ZDHHC23: variants seen among roughly 807,000 people sequenced by gnomAD.
The protein encoded by ZDHHC23 is zDHHC palmitoyltransferase 23, also known as palmitoyltransferase ZDHHC23.
Under a neutral mutation model 40.2 loss-of-function variants are expected in ZDHHC23, and 41 were observed. That is an observed-to-expected ratio of 1.02 (90% CI 0.79 to 1.32). The LOEUF (loss-of-function observed/expected upper bound fraction) is 1.32. Among genes scored for constraint, ZDHHC23 ranks in the 40% most tolerant of loss-of-function variants. The pLI is 0.00. For synonymous variants in ZDHHC23, 204 were observed against 210.2 expected (o/e 0.97, Z 0.26); for missense variants, 471 against 541.5 (o/e 0.87, Z 1.29).
chr3:113,962,304 G>C lies in ZDHHC23; in HGVS notation c.*3674G>C, dbSNP rs1402048035. 1 of 152,208 alleles carries C rather than the reference G, an allele frequency of 6.6e-6. No homozygotes were observed. Among genetic ancestry groups the C allele is most frequent in the Non-Finnish European group, 1.5e-5 (1 of 68,048 alleles). The allele number at this position is 152,208 out of a possible 1,614,324, so 9.4% of individuals were successfully genotyped here. On this transcript the variant is annotated 3_prime_UTR_variant, in exon 5 of 5. Transcript: ENST00000638807. Reference sequence around the variant, plus strand: ...GCTACACTTAATTATGTTGCTGATAGACAAGCATCCACGCTTCAGCTGGCA... The same window carrying C: ...GCTACACTTAATTATGTTGCTGATACACAAGCATCCACGCTTCAGCTGGCA...
In ZDHHC23 at chr3:113,958,920, C is replaced by T; in HGVS notation, c.*290C>T. ...TTGCTAATGCACAAATTGATAGAAG[C>T]AATTCCCATCCATTAGTATGGAGGA... is the stretch of plus-strand genomic sequence containing the variant. On this transcript the variant is annotated 3_prime_UTR_variant, in exon 5 of 5. Transcript: ENST00000638807. The T allele has an allele frequency of 3.2e-6, 4 of 1,238,516 alleles. No homozygotes were observed. Among genetic ancestry groups the T allele is most frequent in the Non-Finnish European group, 4.1e-6 (4 of 969,414 alleles). The allele number at this position is 1,238,516 out of a possible 1,614,324, so 76.7% of individuals were successfully genotyped here.
At chr3:113,973,076 C>CT in the ZDHHC23 span, among the ~76,000 whole-genome samples, 4 of 152,128 alleles carry the variant, frequency 2.6e-5, no homozygotes, top group African/African-American at 9.7e-5. Context: ...TAAGGACTTA[C>CT]TATGGCAATT....
rs537601367 is a variant in ZDHHC23, at chr3:113,959,140, CAA to C, written c.*511_*512del. The C allele has an allele frequency of 0.013, 13,894 of 1,044,782 alleles. 104 individuals are homozygous for C. Among genetic ancestry groups the C allele is most frequent in the Non-Finnish European group, 0.015 (13,022 of 852,166 alleles). The allele number at this position is 1,044,782 out of a possible 1,614,324, so 64.7% of individuals were successfully genotyped here. On this transcript the variant is annotated 3_prime_UTR_variant, in exon 5 of 5. Coordinates refer to ENST00000638807, the MANE Select transcript of ZDHHC23 (RefSeq NM_001320466.2). The stretch of plus-strand genomic sequence containing the variant: ...ATGTGGAAAGCACTAAAAAACAACT[CAA>C]GAGCCATGGAAATACAAAGTATTAG...
chr3:113,974,870 C>CTCTCTT, the ZDHHC23 span, among the ~76,000 whole-genome samples: 1 of 152,166 alleles, frequency 6.6e-6, no homozygotes, highest in African/African-American at 2.4e-5. Context: ...CTCTCAATCT[C>CTCTCTT]TCTCTTTCTC....
chr3:113,975,656 TGGATAGAC>T, the ZDHHC23 span, among the ~76,000 whole-genome samples: 2 of 152,210 alleles, frequency 1.3e-5, no homozygotes, highest in African/African-American at 4.8e-5. Flanking sequence ...GGCAGTTTAA[TGGATAGAC>T]AGTGATGCAA....
At chr3:113,955,129 C>T (rs1310121159) in intron 3 of ZDHHC23, among the ~76,000 whole-genome samples, 2 of 152,176 alleles carry the variant, frequency 1.3e-5, no homozygotes, top group Admixed American at 6.5e-5. Flanking sequence ...TTCAGGCAGT[C>T]GTGATCAATG....
chr3:113,956,868 A>G (rs1464230976), intron 4 of ZDHHC23, among the ~76,000 whole-genome samples: 3 of 152,270 alleles, frequency 2.0e-5, no homozygotes, highest in Non-Finnish European at 2.9e-5. Context: ...CTATTTTGTC[A>G]TAACGATCAG....
At chr3:113,956,597 C>G in intron 4 of ZDHHC23, 91 bp downstream of exon 4, 1 of 1,322,432 alleles carries the variant, frequency 7.6e-7, no homozygotes. Flanking sequence ...TAGGAGTTCT[C>G]AATCAAAACA....
At chr3:113,978,851 T>C in the ZDHHC23 span, 1 of 1,613,584 alleles carries the variant, frequency 6.2e-7, no homozygotes, top group Non-Finnish European at 8.5e-7. Flanking sequence ...CTTCCCTATG[T>C]CCTTACCTGT....
chr3:113,976,714 A>G, the ZDHHC23 span, among the ~76,000 whole-genome samples: 12 of 151,978 alleles, frequency 7.9e-5, 1 homozygote, highest in South Asian at 2.1e-3. Flanking sequence ...TACCCTGTTT[A>G]GTCTTCACAG....
At chr3:113,965,745 A>G (rs549648154), downstream of ZDHHC23, among the ~76,000 whole-genome samples, 2 of 151,628 alleles carry the variant, frequency 1.3e-5, no homozygotes, top group Non-Finnish European at 2.9e-5. Context: ...GCCTGCCACC[A>G]TGCCTGGCTA....
intron 4 of ZDHHC23, chr3:113,957,478 CG>C (rs1164737223): frequency 8.4e-6 from 3 of 356,362 alleles, no homozygotes; most frequent in African/African-American, 6.4e-5. Flanking sequence ...TCTCTGCTAA[CG>C]CTGCAGGTGA....
chr3:113,955,775 G>T (rs1038738518), intron 3 of ZDHHC23, among the ~76,000 whole-genome samples: 2 of 152,174 alleles, frequency 1.3e-5, no homozygotes, highest in African/African-American at 4.8e-5. Context: ...AGGAAGATTT[G>T]TTAGCCAGGT....
chr3:113,973,710 T>C, the ZDHHC23 span, among the ~76,000 whole-genome samples: 20 of 152,100 alleles, frequency 1.3e-4, no homozygotes, highest in African/African-American at 4.8e-4. Flanking sequence ...CTTCATTATA[T>C]GTTATTTGCC....
intron 4 of ZDHHC23, chr3:113,957,531 G>A (rs541911306): frequency 1.4e-4 from 54 of 376,622 alleles, no homozygotes; most frequent in Non-Finnish European, 2.5e-4. Flanking sequence ...CTCTCGGTGC[G>A]GAGGCGAGGG....
At chr3:113,953,586 C>A in intron 2 of ZDHHC23, 114 bp from the exon 3 acceptor site, 1 of 884,608 alleles carries the variant, frequency 1.1e-6, no homozygotes, top group Non-Finnish European at 1.7e-6. Context: ...AAGTAAAATG[C>A]TTGGTCTTTG....
intron 4 of ZDHHC23, among the ~76,000 whole-genome samples, chr3:113,957,231 C>T (rs940683719): frequency 6.6e-6 from 1 of 152,212 alleles, no homozygotes; most frequent in Non-Finnish European, 1.5e-5. Flanking sequence ...CATAAGTGCT[C>T]TGGGGTATCT....
the ZDHHC23 span, among the ~76,000 whole-genome samples, chr3:113,972,069 C>T: frequency 6.6e-6 from 1 of 151,886 alleles, no homozygotes; most frequent in Non-Finnish European, 1.5e-5. Context: ...AGTCTCAATT[C>T]ATTTATTTCT....
Position 113,960,140 on chromosome 3 carries a change from C to G in ZDHHC23, c.*1510C>G. On this transcript the variant is annotated 3_prime_UTR_variant, in exon 5 of 5. Transcript: ENST00000638807. ...GTCATTCTGTGCATGCTGCTTTAAGCAAGAGATTTATATTTGTTGAGAGGA... is the reference window on the plus strand; with the variant it reads ...GTCATTCTGTGCATGCTGCTTTAAGGAAGAGATTTATATTTGTTGAGAGGA... 1 of 990,136 alleles carries G rather than the reference C, an allele frequency of 1.0e-6. No individual in the cohort carries two copies. Among genetic ancestry groups the G allele is most frequent in the Non-Finnish European group, 1.2e-6 (1 of 832,654 alleles). The allele number at this position is 990,136 out of a possible 1,614,324, so 61.3% of individuals were successfully genotyped here.
Sources: gnomAD v4.1 joint callset for allele counts (sites outside exome capture counted in the v4.1 genomes callset) on GRCh38, gnomAD v4.1.1 for gene constraint, MANE v1.5 for transcripts, NCBI Gene and HGNC (gene_info 2026-07-23, HGNC 2026-07-21) for gene names.